The following BCL2L13 variants were observed in gnomAD, a reference collection of about 807,000 sequenced individuals.
BCL2L13 encodes BCL2 like 13, also known as bcl-2-like protein 13.
Under a neutral mutation model 25.8 loss-of-function variants are expected in BCL2L13, and 13 were observed. The ratio of observed to expected loss-of-function variants is 0.50; its 90% CI spans 0.33 to 0.80. The LOEUF (loss-of-function observed/expected upper bound fraction) is 0.80. BCL2L13 is among the 30% of genes least tolerant of loss of function. The pLI is 0.02. For missense variants in BCL2L13, 504 were observed against 574.9 expected, an observed-to-expected ratio of 0.88 and a Z score of 1.26; for synonymous variants, 244 against 230.3, an observed-to-expected ratio of 1.06 and a Z score of -0.54.
At chr22:17,719,071 C>T (rs1177056956) in intron 6 of BCL2L13, among the ~76,000 whole-genome samples, 1 of 146,800 alleles carries the variant, frequency 6.8e-6, no homozygotes, top group Non-Finnish European at 1.5e-5. Flanking sequence ...GAAGAATTGC[C>T]TGAACCCAGG....
chr22:17,725,706 A>G (rs1223967064), intron 6 of BCL2L13, among the ~76,000 whole-genome samples: 1 of 151,506 alleles, frequency 6.6e-6, no homozygotes, highest in African/African-American at 2.4e-5. Flanking sequence ...CATTGAACAT[A>G]CAGGGTGAGT....
chr22:17,665,920 A>G (rs2059217646), intron 2 of BCL2L13, among the ~76,000 whole-genome samples: 1 of 152,186 alleles, frequency 6.6e-6, no homozygotes, highest in African/African-American at 2.4e-5. Flanking sequence ...AATTATGAAT[A>G]AACGTTTGTG....
chr22:17,648,703 A>G (rs999150676), intron 1 of BCL2L13, among the ~76,000 whole-genome samples: 1 of 152,128 alleles, frequency 6.6e-6, no homozygotes, highest in African/African-American at 2.4e-5. Context: ...GGGCTTTAGC[A>G]TATATACTAG....
intron 1 of BCL2L13, among the ~76,000 whole-genome samples, chr22:17,639,862 T>C (rs1354836852): frequency 6.6e-6 from 1 of 151,896 alleles, no homozygotes; most frequent in Admixed American, 6.6e-5. Flanking sequence ...CTTTCTTTTT[T>C]TTTTTTTTTG....
intron 6 of BCL2L13, among the ~76,000 whole-genome samples, chr22:17,716,166 A>C (rs904845891): frequency 6.6e-6 from 1 of 152,140 alleles, no homozygotes; most frequent in African/African-American, 2.4e-5. Flanking sequence ...GCCGTCTAGG[A>C]GTTCAGGAGG....
At chr22:17,668,630 C>T (rs1189859710) in intron 2 of BCL2L13, among the ~76,000 whole-genome samples, 1 of 151,850 alleles carries the variant, frequency 6.6e-6, no homozygotes, top group Admixed American at 6.6e-5. Context: ...CGATGCCTGG[C>T]TAATTTTTGT....
chr22:17,645,384 G>A (rs1227976581), intron 1 of BCL2L13, among the ~76,000 whole-genome samples: 1 of 150,282 alleles, frequency 6.7e-6, no homozygotes, highest in African/African-American at 2.5e-5. Flanking sequence ...ATCACGCCTG[G>A]CTAATTTTTT....
chr22:17,691,458 A>C (rs985844090), intron 4 of BCL2L13, among the ~76,000 whole-genome samples: 1 of 152,172 alleles, frequency 6.6e-6, no homozygotes, highest in African/African-American at 2.4e-5. Flanking sequence ...CATCCTGGCT[A>C]ACACAGTGAA....
At chr22:17,659,366 AAAAC>A (rs1160803262) in intron 2 of BCL2L13, among the ~76,000 whole-genome samples, 3 of 145,828 alleles carry the variant, frequency 2.1e-5, no homozygotes, top group African/African-American at 7.3e-5. Context: ...TTCGTCTCAA[AAAAC>A]AAACAAACTG....
intron 5 of BCL2L13, among the ~76,000 whole-genome samples, chr22:17,696,661 A>G (rs1364769458): frequency 6.6e-6 from 1 of 152,208 alleles, no homozygotes; most frequent in Non-Finnish European, 1.5e-5. Context: ...CATCCTTTGC[A>G]GAAGACAGAA....
At position 17,726,883 on chromosome 22, in the gene BCL2L13, G is replaced by A; in HGVS notation, c.807G>A (p.Val269=). 1 of 1,613,992 alleles carries A rather than the reference G, an allele frequency of 6.2e-7. No individual in the cohort carries two copies. The highest frequency in any genetic ancestry group is 1.6e-4 in the Middle Eastern group (1 of 6,062). The part of the protein sequence containing the change: ...SQSWHTESLP[V]SLGPESWQQI... Reference sequence around the variant, plus strand: ...GTTGGCACACAGAAAGCCTGCCAGTGTCACTAGGCCCTGAGTCCTGGCAGC... The same window carrying A: ...GTTGGCACACAGAAAGCCTGCCAGTATCACTAGGCCCTGAGTCCTGGCAGC... The change falls in exon 7 of 7, where the codon GTG becomes GTA. Residue 269 remains valine (V), a synonymous_variant. Transcript: ENST00000317582.
At chr22:17,693,957 C>T (rs2145657081) in intron 4 of BCL2L13, among the ~76,000 whole-genome samples, 1 of 151,890 alleles carries the variant, frequency 6.6e-6, no homozygotes, top group South Asian at 2.1e-4. Context: ...CGGGTTTCAC[C>T]ATGTTGGTCA....
chr22:17,647,272 C>T (rs561853981), intron 1 of BCL2L13, among the ~76,000 whole-genome samples: 1 of 151,114 alleles, frequency 6.6e-6, no homozygotes, highest in Admixed American at 6.6e-5. Flanking sequence ...CTGCACCTGG[C>T]CTAATTTTTG....
intron 1 of BCL2L13, among the ~76,000 whole-genome samples, chr22:17,652,692 G>A (rs1429937221): frequency 6.6e-6 from 1 of 152,156 alleles, no homozygotes; most frequent in Non-Finnish European, 1.5e-5. Context: ...ACCCGCCTCA[G>A]CCTCCAAAAG....
chr22:17,692,324 GTA>G (rs1400336752), intron 4 of BCL2L13: 3 of 152,158 alleles, frequency 2.0e-5, no homozygotes, highest in Non-Finnish European at 4.4e-5. Context: ...GTATGTCTGT[GTA>G]TATGATGTTT....
chr22:17,634,049 C>T (rs2058068537), upstream of BCL2L13, among the ~76,000 whole-genome samples: 1 of 152,082 alleles, frequency 6.6e-6, no homozygotes, highest in African/African-American at 2.4e-5. Context: ...TTTTCCTCCA[C>T]TTACCACTTA....
At chr22:17,689,566 C>A (rs183625798) in intron 4 of BCL2L13, among the ~76,000 whole-genome samples, 1 of 152,076 alleles carries the variant, frequency 6.6e-6, no homozygotes, top group Admixed American at 6.5e-5. Flanking sequence ...TTTTATTGAC[C>A]GGGCGCGGTG....
intron 2 of BCL2L13, among the ~76,000 whole-genome samples, chr22:17,664,688 G>A (rs1220284144): frequency 6.6e-6 from 1 of 152,234 alleles, no homozygotes; most frequent in Middle Eastern, 3.2e-3. Context: ...TACATCTTCT[G>A]AAATCTAGGC....
intron 2 of BCL2L13, among the ~76,000 whole-genome samples, chr22:17,658,009 A>G (rs1404145911): frequency 6.6e-6 from 1 of 150,846 alleles, no homozygotes; most frequent in Admixed American, 6.6e-5. Flanking sequence ...TTTAGTAGAG[A>G]CAGGGTTTCA....
Sources: gnomAD v4.1 joint callset for allele counts (sites outside exome capture counted in the v4.1 genomes callset) on GRCh38, gnomAD v4.1.1 for gene constraint, MANE v1.5 for transcripts, NCBI Gene and HGNC (gene_info 2026-07-23, HGNC 2026-07-21) for gene names.